PDE1C: variants seen among roughly 807,000 people sequenced by gnomAD.
The protein encoded by PDE1C is dual specificity calcium/calmodulin-dependent 3',5'-cyclic nucleotide phosphodiesterase 1C.
Under a neutral mutation model 93.1 loss-of-function variants are expected in PDE1C, and 62 were observed. That is an observed-to-expected ratio of 0.67 (90% CI 0.54 to 0.82). PDE1C has a LOEUF of 0.82. PDE1C is among the 40% of genes least tolerant of loss of function. The probability of loss-of-function intolerance (pLI) is 0.00; values close to 1 mark genes in which losing one functional copy is unlikely to be tolerated. For missense variants in PDE1C, 742 were observed against 884.6 expected, an observed-to-expected ratio of 0.84 and a Z score of 2.04; for synonymous variants, 325 against 310.1, an observed-to-expected ratio of 1.05 and a Z score of -0.50.
At chr7:31,916,045 G>A (rs1000107191) in intron 2 of PDE1C, among the ~76,000 whole-genome samples, 4 of 139,534 alleles carry the variant, frequency 2.9e-5, no homozygotes, top group African/African-American at 3.4e-5. Flanking sequence ...TGCCAGGTAT[G>A]GGGGGGGCAC....
intron 16 of PDE1C, among the ~76,000 whole-genome samples, chr7:31,797,098 T>C (rs534278607): frequency 1.2e-4 from 18 of 151,838 alleles, no homozygotes; most frequent in Middle Eastern, 6.8e-3. Context: ...CTATTAATGT[T>C]CCACATGACA....
intron 14 of PDE1C, among the ~76,000 whole-genome samples, chr7:31,822,409 A>G (rs1270924147): frequency 6.6e-6 from 1 of 152,156 alleles, no homozygotes; most frequent in African/African-American, 2.4e-5. Context: ...CATGGAGGAC[A>G]TGCTCAGTAG....
chr7:31,687,016 T>C, the PDE1C span: 18 of 152,368 alleles, frequency 1.2e-4, no homozygotes, highest in African/African-American at 3.4e-4. Flanking sequence ...ATTTCTCTGG[T>C]GTGCACACCG....
chr7:31,766,800 A>G (rs1795174633), intron 17 of PDE1C, among the ~76,000 whole-genome samples: 3 of 152,244 alleles, frequency 2.0e-5, no homozygotes, highest in African/African-American at 7.2e-5. Context: ...GAAGACAACC[A>G]TTAATAGGAG....
At chr7:32,314,261 T>C (rs1251034726) in intron 1 of PDE1C, among the ~76,000 whole-genome samples, 2 of 152,158 alleles carry the variant, frequency 1.3e-5, no homozygotes, top group Non-Finnish European at 2.9e-5. Context: ...TAACATGATT[T>C]TTTTTCTTTC....
intron 2 of PDE1C, among the ~76,000 whole-genome samples, chr7:31,958,686 A>G (rs1191939447): frequency 6.6e-6 from 1 of 152,190 alleles, no homozygotes; most frequent in East Asian, 1.9e-4. Flanking sequence ...GACACAATTC[A>G]AAAAACTAGG....
At chr7:32,386,018 G>A (rs907526687) in intron 1 of PDE1C, among the ~76,000 whole-genome samples, 1 of 150,580 alleles carries the variant, frequency 6.6e-6, no homozygotes, top group African/African-American at 2.4e-5. Flanking sequence ...GAAAGGGCCT[G>A]TTTCACACTT....
intron 1 of PDE1C, among the ~76,000 whole-genome samples, chr7:32,377,467 C>T (rs576896460): frequency 6.6e-6 from 1 of 152,274 alleles, no homozygotes; most frequent in South Asian, 2.1e-4. Flanking sequence ...TCTTTGGTAT[C>T]TCAATTGGGA....
At chr7:32,416,291 C>T (rs571454633) in intron 1 of PDE1C, among the ~76,000 whole-genome samples, 1 of 152,284 alleles carries the variant, frequency 6.6e-6, no homozygotes, top group African/African-American at 2.4e-5. Context: ...AGGGAATGCC[C>T]CGGACGTACA....
chr7:32,293,415 T>C (rs144555419), intron 1 of PDE1C, among the ~76,000 whole-genome samples: 1 of 152,256 alleles, frequency 6.6e-6, no homozygotes, highest in African/African-American at 2.4e-5. Flanking sequence ...ACAGGGCTGC[T>C]CTCGGTCGAA....
rs532545763 is a variant in PDE1C at position 32,339,529 on chromosome 7, A to AT, written c.310+88292dup. On this transcript the variant is annotated intron_variant, in intron 1 of 1. Transcript: ENST00000672256. ...TTATGCATATTTTACCACAGTTTTA[A>AT]TTTTTTTTAATAATCAAAAAATGAA... Among the ~76,000 whole-genome samples the AT allele has an allele frequency of 3.0e-4, 45 of 152,224 alleles. No homozygotes were observed. In the South Asian group the frequency reaches 8.1e-3, roughly 27 times the overall value.
At chr7:31,887,490 G>C (rs1309595912) in intron 2 of PDE1C, among the ~76,000 whole-genome samples, 1 of 151,982 alleles carries the variant, frequency 6.6e-6, no homozygotes, top group Non-Finnish European at 1.5e-5. Context: ...TTAGTACCTA[G>C]GTGCATACTT....
At chr7:31,737,257 G>A in the PDE1C span, among the ~76,000 whole-genome samples, 1 of 151,928 alleles carries the variant, frequency 6.6e-6, no homozygotes, top group East Asian at 1.9e-4. Context: ...TGCATTACAG[G>A]TGTGAGCCAC....
At chr7:31,658,020 T>C in the PDE1C span, among the ~76,000 whole-genome samples, 1 of 152,198 alleles carries the variant, frequency 6.6e-6, no homozygotes, top group Non-Finnish European at 1.5e-5. Context: ...TTTGAATAGG[T>C]AAGATCAATT....
intron 3 of PDE1C, among the ~76,000 whole-genome samples, chr7:32,133,481 C>A (rs1447576851): frequency 1.3e-5 from 2 of 152,050 alleles, no homozygotes; most frequent in African/African-American, 4.8e-5. Flanking sequence ...CTGAAGGAAC[C>A]AGGGGAAAAT....
chr7:31,656,060 T>G, the PDE1C span: 1 of 962,484 alleles, frequency 1.0e-6, no homozygotes, highest in Non-Finnish European at 1.2e-6. Flanking sequence ...AGACCCCATC[T>G]CCTACACAGG....
the PDE1C span, among the ~76,000 whole-genome samples, chr7:31,664,523 A>C: frequency 6.6e-6 from 1 of 152,224 alleles, no homozygotes; most frequent in African/African-American, 2.4e-5. Context: ...TAAGAATGGG[A>C]CACAGACTCA....
intron 2 of PDE1C, among the ~76,000 whole-genome samples, chr7:32,038,225 G>A (rs1305332790): frequency 6.6e-6 from 1 of 152,072 alleles, no homozygotes; most frequent in African/African-American, 2.4e-5. Flanking sequence ...TCACAGCCTT[G>A]AGGATCATCC....
chr7:32,092,848 C>G (rs1034421678), intron 3 of PDE1C, among the ~76,000 whole-genome samples: 1 of 151,850 alleles, frequency 6.6e-6, no homozygotes, highest in Admixed American at 6.6e-5. Flanking sequence ...TGAATCTACA[C>G]AACTTGTAGT....
Sources: gnomAD v4.1 joint callset for allele counts (sites outside exome capture counted in the v4.1 genomes callset) on GRCh38, gnomAD v4.1.1 for gene constraint, MANE v1.5 for transcripts, NCBI Gene and HGNC (gene_info 2026-07-23, HGNC 2026-07-21) for gene names.